The following TMEM117 variants were observed in gnomAD, a reference collection of about 807,000 sequenced individuals.
TMEM117 encodes transmembrane protein 117.
In TMEM117, 27 loss-of-function variants were observed where a neutral mutation model predicts 52.4. The observed-to-expected ratio is 0.51, with a 90% confidence interval of 0.38 to 0.71. The LOEUF is 0.71. TMEM117 is among the 30% of genes least tolerant of loss of function. The pLI, the probability that TMEM117 is intolerant of heterozygous loss-of-function variation, is 0.00. For synonymous variants in TMEM117, 215 were observed against 206.3 expected (o/e 1.04, Z -0.36); for missense variants, 556 against 630.5 (o/e 0.88, Z 1.26).
chr12:43,917,156 G>A (rs1193320846), intron 2 of TMEM117, among the ~76,000 whole-genome samples: 2 of 150,170 alleles, frequency 1.3e-5, no homozygotes, highest in East Asian at 3.9e-4. Context: ...ACTTTTGGAG[G>A]CCATGGTGGG....
intron 4 of TMEM117, among the ~76,000 whole-genome samples, chr12:44,146,742 C>T (rs901403618): frequency 6.6e-6 from 1 of 152,152 alleles, no homozygotes; most frequent in South Asian, 2.1e-4. Flanking sequence ...CCTTGACCTT[C>T]ATCTGTCTAT....
chr12:44,207,052 T>C (rs1001202724), intron 4 of TMEM117, among the ~76,000 whole-genome samples: 3 of 152,168 alleles, frequency 2.0e-5, no homozygotes, highest in African/African-American at 7.2e-5. Context: ...TAATATTGAA[T>C]GAAGTCAGTA....
intron 4 of TMEM117, among the ~76,000 whole-genome samples, chr12:44,170,455 T>C (rs546580968): frequency 2.0e-5 from 3 of 152,288 alleles, no homozygotes; most frequent in Admixed American, 6.5e-5. Flanking sequence ...ATTTATAATT[T>C]TTTAAATTAA....
At chr12:43,849,464 T>C (rs933196454) in intron 2 of TMEM117, among the ~76,000 whole-genome samples, 6 of 152,234 alleles carry the variant, frequency 3.9e-5, no homozygotes, top group Non-Finnish European at 7.3e-5. Context: ...TGTTAAATTA[T>C]TCTGTTGCAA....
intron 4 of TMEM117, among the ~76,000 whole-genome samples, chr12:44,184,877 A>G (rs1173553698): frequency 6.6e-6 from 1 of 152,124 alleles, no homozygotes; most frequent in Non-Finnish European, 1.5e-5. Context: ...ATAGAAAACT[A>G]ATGCAATCTC....
rs145907726 is a variant in TMEM117 at position 44,135,131 on chromosome 12, A to T, written c.411-8394A>T. ...AATCACTGGGTTATTTTCTCATATA[A>T]CCTCCAGGAAAGATATTTCCTTCTT... On this transcript the variant is annotated intron_variant, in intron 3 of 7. Transcript: ENST00000266534. Among the ~76,000 whole-genome samples, 3 of 151,928 alleles carry T rather than the reference A, an allele frequency of 2.0e-5. No homozygotes were observed. In the East Asian group the frequency reaches 5.8e-4, roughly 29 times the overall value.
At chr12:44,227,813 A>G (rs909801662) in intron 5 of TMEM117, among the ~76,000 whole-genome samples, 2 of 152,078 alleles carry the variant, frequency 1.3e-5, no homozygotes, top group African/African-American at 4.8e-5. Context: ...TTTATTTCAC[A>G]TGTTGATCTC....
chr12:44,118,013 C>G (rs1454474568), intron 3 of TMEM117, among the ~76,000 whole-genome samples: 2 of 151,204 alleles, frequency 1.3e-5, no homozygotes, highest in Admixed American at 1.3e-4. Flanking sequence ...TCATTTTATC[C>G]TGATACACAC....
intron 2 of TMEM117, among the ~76,000 whole-genome samples, chr12:43,850,671 C>G (rs915955796): frequency 7.9e-5 from 12 of 152,142 alleles, no homozygotes; most frequent in Admixed American, 7.2e-4. Flanking sequence ...CTTGTGACTA[C>G]TTGTACCAAA....
chr12:44,211,715 A>G (rs1342599030), intron 5 of TMEM117, among the ~76,000 whole-genome samples: 1 of 152,158 alleles, frequency 6.6e-6, no homozygotes, highest in Admixed American at 6.6e-5. Flanking sequence ...TAAATACTAA[A>G]TTGCCTAGTA....
chr12:44,232,008 G>A (rs1243207568), intron 5 of TMEM117, among the ~76,000 whole-genome samples: 3 of 151,630 alleles, frequency 2.0e-5, no homozygotes, highest in Non-Finnish European at 4.4e-5. Context: ...CTGTAAAAAT[G>A]AGAATAGTAG....
intron 3 of TMEM117, among the ~76,000 whole-genome samples, chr12:44,114,062 C>A (rs533780446): frequency 1.3e-5 from 2 of 148,336 alleles, no homozygotes; most frequent in Admixed American, 6.6e-5. Context: ...CGCCCTGCTT[C>A]GGCTCGCGCA....
chr12:44,232,165 T>G (rs985703314), intron 5 of TMEM117, among the ~76,000 whole-genome samples: 2 of 151,624 alleles, frequency 1.3e-5, no homozygotes, highest in African/African-American at 4.8e-5. Flanking sequence ...ATAGTCAACT[T>G]TTTAAACTTT....
intron 6 of TMEM117, among the ~76,000 whole-genome samples, chr12:44,318,782 C>T (rs1273379335): frequency 6.6e-6 from 1 of 152,106 alleles, no homozygotes; most frequent in African/African-American, 2.4e-5. Flanking sequence ...AGAGAGGTCT[C>T]TGCTGCACCA....
In TMEM117 at chr12:44,315,872, C is replaced by G. The variant is rs779573948; in HGVS notation, c.768+16133C>G. On this transcript the variant is annotated intron_variant, in intron 6 of 7. Transcript: ENST00000266534. ...TCTGTTTTATCTGATATAAAAATAG[C>G]AATGATATAAAAATAGCAACCCCTG... Among the ~76,000 whole-genome samples, 132 of 152,116 alleles carry G rather than the reference C, an allele frequency of 8.7e-4. 1 individual carries two copies. The highest frequency in any genetic ancestry group is 1.1e-3 in the Non-Finnish European group (73 of 68,012).
chr12:44,288,664 TTTAA>T (rs1197879506), intron 5 of TMEM117, among the ~76,000 whole-genome samples: 1 of 152,174 alleles, frequency 6.6e-6, no homozygotes, highest in Admixed American at 6.5e-5. Flanking sequence ...AATTACTAAT[TTTAA>T]TTACTTTATT....
chr12:44,318,570 G>C (rs1270814380), intron 6 of TMEM117, among the ~76,000 whole-genome samples: 1 of 152,130 alleles, frequency 6.6e-6, no homozygotes, highest in Non-Finnish European at 1.5e-5. Flanking sequence ...AGAGAATCCT[G>C]CTACAAGCCA....
At chr12:44,370,333 G>A (rs1335712371) in intron 6 of TMEM117, among the ~76,000 whole-genome samples, 1 of 151,834 alleles carries the variant, frequency 6.6e-6, no homozygotes, top group Non-Finnish European at 1.5e-5. Context: ...TTCACTCTCT[G>A]TATAATTCCA....
At chr12:44,247,753 T>C (rs1168490371) in intron 5 of TMEM117, among the ~76,000 whole-genome samples, 1 of 152,224 alleles carries the variant, frequency 6.6e-6, no homozygotes, top group Non-Finnish European at 1.5e-5. Flanking sequence ...GGGGGCAGTA[T>C]TTCACAGGAA....
Sources: gnomAD v4.1 joint callset for allele counts (sites outside exome capture counted in the v4.1 genomes callset) on GRCh38, gnomAD v4.1.1 for gene constraint, MANE v1.5 for transcripts, NCBI Gene and HGNC (gene_info 2026-07-23, HGNC 2026-07-21) for gene names.